Variants in BEST3 observed in about 807,000 individuals in gnomAD.
BEST3 encodes the protein bestrophin 3, also known as bestrophin-3.
BEST3 carries 50 observed loss-of-function variants against 47.1 expected under a neutral mutation model. The observed-to-expected ratio is 1.06, with a 90% CI of 0.85 to 1.34. The LOEUF (loss-of-function observed/expected upper bound fraction) is 1.34. BEST3 is among the 40% of genes most tolerant of loss of function. The probability of loss-of-function intolerance (pLI) is 0.00; values close to 1 mark genes in which losing one functional copy is unlikely to be tolerated. For missense variants in BEST3, 765 were observed against 817.0 expected (o/e 0.94, Z 0.78); for synonymous variants, 282 against 298.8 (o/e 0.94, Z 0.58).
Position 69,676,992 on chromosome 12 carries a change from T to C in BEST3, c.791A>G (p.Tyr264Cys). ...GRQFLDPTKG[Y>C]AGHDLDLYIP... ...GTAAAGATCCAAGTCATGCCCTGCGTAGCCTTTGGTGGGATCCAAAAACTG... is the reference window on the plus strand; with the variant it reads ...GTAAAGATCCAAGTCATGCCCTGCGCAGCCTTTGGTGGGATCCAAAAACTG... The change falls in exon 7 of 10, where the codon TAC (tyrosine) becomes TGC (cysteine). Residue 264 changes from tyrosine to cysteine, a missense_variant. Transcript: ENST00000330891. 1 of 1,614,122 alleles carries C rather than the reference T, an allele frequency of 6.2e-7. No individual in the cohort carries two copies. Among genetic ancestry groups the C allele is most frequent in the Non-Finnish European group, 8.5e-7 (1 of 1,179,990 alleles).
intron 2 of BEST3, among the ~76,000 whole-genome samples, chr12:69,697,272 A>T (rs958889433): frequency 2.0e-4 from 31 of 152,210 alleles, no homozygotes; most frequent in African/African-American, 7.5e-4. Context: ...AAGCTGTCAA[A>T]TCATCAACTA....
intron 9 of BEST3, among the ~76,000 whole-genome samples, chr12:69,665,420 C>T (rs1884134062): frequency 6.6e-6 from 1 of 152,136 alleles, no homozygotes; most frequent in Non-Finnish European, 1.5e-5. Flanking sequence ...TGGTGAAACC[C>T]CGTCTCTACT....
intron 9 of BEST3, among the ~76,000 whole-genome samples, chr12:69,656,135 T>C (rs930746470): frequency 1.3e-5 from 2 of 152,210 alleles, no homozygotes; most frequent in African/African-American, 4.8e-5. Context: ...GACTGCTAAG[T>C]GATGACATCA....
intron 4 of BEST3, among the ~76,000 whole-genome samples, chr12:69,691,620 T>C (rs1049872024): frequency 3.3e-5 from 5 of 152,076 alleles, no homozygotes; most frequent in Admixed American, 6.5e-5. Context: ...GGTGAAACCC[T>C]GTCTCTACTA....
chr12:69,657,001 T>C (rs942498259), intron 9 of BEST3, among the ~76,000 whole-genome samples: 1 of 152,184 alleles, frequency 6.6e-6, no homozygotes, highest in Non-Finnish European at 1.5e-5. Context: ...GCGATTGGGC[T>C]CTGCTTGTGA....
intron 4 of BEST3, chr12:69,683,838 A>G (rs1885399111): frequency 6.6e-6 from 1 of 152,192 alleles, no homozygotes; most frequent in Non-Finnish European, 1.5e-5. Context: ...GGGGTTCACA[A>G]AAGTAACTCC....
chr12:69,694,004 A>C lies in BEST3; in HGVS notation c.248-97T>G, dbSNP rs1886036127. ...GAATTTTAGCCTTTTTAGAGGTTGG[A>C]GGACAAAAATATATTATTATCCATA... On this transcript the variant is annotated intron_variant, in intron 3 of 9. Transcript: ENST00000330891. 4 of 902,506 alleles carry C rather than the reference A, an allele frequency of 4.4e-6. No homozygotes were observed. The East Asian group carries it at 1.1e-4, about 24-fold the overall frequency. 55.9% of individuals were successfully genotyped at this position (902,506 alleles called of 1,614,324 possible). A position where few individuals can be genotyped will look rare whatever the true frequency, so the allele number is the denominator to read the frequency against.
downstream of BEST3, among the ~76,000 whole-genome samples, chr12:69,651,346 A>C (rs1883203525): frequency 6.6e-6 from 1 of 152,242 alleles, no homozygotes; most frequent in Non-Finnish European, 1.5e-5. Flanking sequence ...GAAGTTCAGA[A>C]GAACGCAGAC....
chr12:69,665,654 A>G (rs901447828), intron 9 of BEST3, among the ~76,000 whole-genome samples: 36 of 152,040 alleles, frequency 2.4e-4, no homozygotes, highest in Non-Finnish European at 2.9e-5. Flanking sequence ...ATATGCCATT[A>G]GCCTTACTGA....
chr12:69,694,409 C>T lies in BEST3; in HGVS notation c.208G>A (p.Asp70Asn). The T allele has an allele frequency of 6.2e-7, 1 of 1,609,356 alleles. No homozygotes were observed. Among genetic ancestry groups the T allele is most frequent in the South Asian group, 1.1e-5 (1 of 90,264 alleles). Residue 70 changes from aspartate to asparagine, a missense_variant, in exon 3 of 10, where the codon GAC (aspartate) becomes AAC (asparagine). By Grantham distance (23) the Asp-to-Asn change is conservative. Coordinates refer to ENST00000330891, the MANE Select transcript of BEST3 (RefSeq NM_032735.3). ...RYFEKLSIYC[D>N]RYAEQIPVTF... The stretch of plus-strand genomic sequence containing the variant: ...ACTGGAATTTGTTCAGCATATCTGT[C>T]ACAGTAAATTGATAATTTTTCAAAG...
At chr12:69,661,576 T>C (rs919106937) in intron 9 of BEST3, 4 of 152,326 alleles carry the variant, frequency 2.6e-5, no homozygotes, top group African/African-American at 9.6e-5. Context: ...CGCATGCGGC[T>C]ATTTTTAACC....
At position 69,654,706 on chromosome 12, in the gene BEST3, T is replaced by G. The variant is rs1261134372; in HGVS notation, c.*201A>C. On this transcript the variant is annotated 3_prime_UTR_variant, in exon 10 of 10. Transcript: ENST00000330891. ...ACTTCTGATGAAAGCCATGTTGTGTTGGATGACGTGAATGCGTTTGATTTT... is the reference window on the plus strand; with the variant it reads ...ACTTCTGATGAAAGCCATGTTGTGTGGGATGACGTGAATGCGTTTGATTTT... 36 of 1,333,934 alleles carry G rather than the reference T, an allele frequency of 2.7e-5. No homozygotes were observed. Among genetic ancestry groups the G allele is most frequent in the Non-Finnish European group, 3.3e-5 (34 of 1,043,870 alleles). The allele number at this position is 1,333,934 out of a possible 1,614,324, so 82.6% of individuals were successfully genotyped here. A position where few individuals can be genotyped will look rare whatever the true frequency, so the allele number is the denominator to read the frequency against.
intron 2 of BEST3, among the ~76,000 whole-genome samples, chr12:69,696,000 G>C (rs1039848661): frequency 6.6e-6 from 1 of 152,072 alleles, no homozygotes; most frequent in African/African-American, 2.4e-5. Context: ...TCAAATTAAT[G>C]AATCTGGTTC....
chr12:69,655,001 A>G lies in BEST3; in HGVS notation c.1913T>C (p.Val638Ala), dbSNP rs1593130729. The G allele has an allele frequency of 6.2e-7, 1 of 1,613,898 alleles. No homozygotes were observed. Among genetic ancestry groups the G allele is most frequent in the East Asian group, 2.2e-5 (1 of 44,854 alleles). Residue 638 changes from valine (V) to alanine (A), a missense_variant, in exon 10 of 10, where the codon GTC (valine) becomes GCC (alanine). Coordinates refer to ENST00000330891, the MANE Select transcript of BEST3 (RefSeq NM_032735.3). ...SGINIVAGSR[V>A]SSDMLYLMEN... ...CATTAAATACAGCATATCAGAAGAG[A>G]CTCGAGAGCCAGCCACAATGTTGAT...
Position 69,677,041 on chromosome 12 carries a change from A to G in BEST3, c.742T>C (p.Phe248Leu). The change falls in exon 7 of 10, where the codon TTC becomes CTC. Residue 248 changes from phenylalanine (F) to leucine (L), a missense_variant. Phe to Leu is a conservative substitution (Grantham distance 22). Coordinates refer to ENST00000330891, the MANE Select transcript of BEST3 (RefSeq NM_032735.3). The stretch of plus-strand genomic sequence containing the variant: ...TGGCGTCCAATCAGGCACGCAAAGA[A>G]GAAGGTATAGACAGCAAGAGTGACA... ...QVVTLAVYTFFFACLIGRQFL... is the reference protein window; with the variant it reads ...QVVTLAVYTFLFACLIGRQFL... The G allele has an allele frequency of 6.2e-7, 1 of 1,614,240 alleles. No homozygotes were observed. The highest frequency in any genetic ancestry group is 8.5e-7 in the Non-Finnish European group (1 of 1,180,038).
At chr12:69,679,393 C>T (rs76680279) in intron 4 of BEST3, among the ~76,000 whole-genome samples, 12,183 of 152,200 alleles carry the variant, frequency 0.08, 720 homozygotes, top group East Asian at 0.24. Flanking sequence ...TCCTTGAGTC[C>T]TTCTTTCTCT....
At chr12:69,681,832 G>A (rs1325613266) in intron 4 of BEST3, among the ~76,000 whole-genome samples, 1 of 152,138 alleles carries the variant, frequency 6.6e-6, no homozygotes, top group Non-Finnish European at 1.5e-5. Flanking sequence ...TGTAATCCCA[G>A]CACTTTGGGA....
At chr12:69,648,335 C>T (rs1883103441) in intron 9 of BEST3, among the ~76,000 whole-genome samples, 2 of 152,062 alleles carry the variant, frequency 1.3e-5, no homozygotes, top group African/African-American at 4.8e-5. Context: ...ATAAGATTTA[C>T]AAGAGGGAAT....
intron 4 of BEST3, among the ~76,000 whole-genome samples, chr12:69,692,354 A>G (rs1885957070): frequency 6.6e-6 from 1 of 152,246 alleles, no homozygotes; most frequent in Non-Finnish European, 1.5e-5. Flanking sequence ...GCCAAGAATT[A>G]TCTCATGTAA....
Sources: allele counts gnomAD v4.1 joint callset (sites outside exome capture counted in the v4.1 genomes callset), GRCh38; gene constraint gnomAD v4.1.1; transcripts MANE v1.5; gene names NCBI Gene and HGNC (gene_info 2026-07-23, HGNC 2026-07-21).